SPARCL1: variants seen among roughly 807,000 people sequenced by gnomAD.
The protein encoded by SPARCL1 is SPARC like 1, also known as SPARC-like protein 1.
SPARCL1 carries 52 observed loss-of-function variants against 67.1 expected under a neutral mutation model. The ratio of observed to expected loss-of-function variants is 0.78; its 90% CI spans 0.62 to 0.98. SPARCL1 has a LOEUF of 0.98. Ranked by LOEUF, SPARCL1 falls within the 50% of genes least tolerant of loss-of-function variation. SPARCL1 has a pLI of 0.00. For synonymous variants in SPARCL1, 226 were observed against 267.8 expected (o/e 0.84, Z 1.52); for missense variants, 717 against 782.4 (o/e 0.92, Z 1.00).
chr4:87,480,505 G>T lies in SPARCL1; in HGVS notation c.1684C>A (p.Leu562Met). The change falls in exon 9 of 11, where the codon CTG (leucine) becomes ATG (methionine). Residue 562 changes from leucine to methionine, a missense_variant. Transcript: ENST00000282470. ...CCAGCCAAAAGCCTCTTTTCATCCA[G>T]GTAAATTTTCTTGACCTGGGATTAG... The part of the protein sequence containing the change: ...KQRNKVKKIY[L>M]DEKRLLAGDH... The T allele has an allele frequency of 6.2e-7, 1 of 1,608,514 alleles. No homozygotes were observed. The highest frequency in any genetic ancestry group is 8.5e-7 in the Non-Finnish European group (1 of 1,178,368).
chr4:87,504,235 C>A (rs1198597577), intron 1 of SPARCL1, among the ~76,000 whole-genome samples: 1 of 146,070 alleles, frequency 6.8e-6, no homozygotes, highest in East Asian at 2.1e-4. Context: ...AAACTTAAAT[C>A]ATTTATAACC....
intron 1 of SPARCL1, among the ~76,000 whole-genome samples, chr4:87,519,386 A>G (rs942265732): frequency 6.6e-6 from 1 of 151,992 alleles, no homozygotes; most frequent in African/African-American, 2.4e-5. Flanking sequence ...TCCCTATCAT[A>G]TTATATAGGC....
intron 7 of SPARCL1, among the ~76,000 whole-genome samples, chr4:87,485,076 G>T (rs961610973): frequency 6.6e-6 from 1 of 151,820 alleles, no homozygotes; most frequent in Non-Finnish European, 1.5e-5. Flanking sequence ...TTGCCTGACT[G>T]CCCTGGCCAG....
intron 1 of SPARCL1, among the ~76,000 whole-genome samples, chr4:87,509,049 G>A (rs987331097): frequency 2.7e-5 from 4 of 147,302 alleles, no homozygotes; most frequent in Non-Finnish European, 6.0e-5. Flanking sequence ...TTATATACAC[G>A]TATCTATATA....
At chr4:87,474,882 A>G (rs935593877) in intron 10 of SPARCL1, among the ~76,000 whole-genome samples, 2 of 151,848 alleles carry the variant, frequency 1.3e-5, no homozygotes, top group African/African-American at 4.8e-5. Flanking sequence ...GGCTGGGACT[A>G]CAGGCGCCCG....
In SPARCL1 at chr4:87,514,618, C is replaced by T. The variant is rs17012729; in HGVS notation, c.-12+14427G>A. On this transcript the variant is annotated intron_variant, in intron 1 of 10. Transcript: ENST00000282470. ...ACAATCCAGTATCTAGACTTTAAAA[C>T]GCCTTGTGTTCTTCCATTGTGTTCC... 0.025 allele frequency among the ~76,000 whole-genome samples: 3,794 copies of T among 152,254 alleles called. 383 individuals are homozygous for T. In the East Asian group the frequency reaches 0.33, roughly 13 times the overall value.
chr4:87,484,328 A>G (rs1305951786), intron 7 of SPARCL1, among the ~76,000 whole-genome samples: 3 of 150,834 alleles, frequency 2.0e-5, no homozygotes, highest in Non-Finnish European at 4.4e-5. Context: ...AGCACCATTT[A>G]TTAAATAAGG....
intron 10 of SPARCL1, among the ~76,000 whole-genome samples, chr4:87,474,838 G>A (rs1208434717): frequency 1.3e-5 from 2 of 148,740 alleles, no homozygotes; most frequent in Admixed American, 1.4e-4. Context: ...CGCCTCCCGG[G>A]TTCACGCCAT....
intron 6 of SPARCL1, 73 bp downstream of exon 6, chr4:87,490,687 T>C: frequency 9.2e-7 from 1 of 1,087,610 alleles, no homozygotes; most frequent in Non-Finnish European, 1.3e-6. Flanking sequence ...AGCAAAAATT[T>C]CAATGGCAAA....
intron 10 of SPARCL1, among the ~76,000 whole-genome samples, chr4:87,477,557 C>T (rs755335941): frequency 1.3e-5 from 2 of 152,150 alleles, no homozygotes; most frequent in African/African-American, 4.8e-5. Flanking sequence ...GGCTTTTTCT[C>T]TCTTTCTGCC....
chr4:87,489,317 C>T (rs1724209578), intron 7 of SPARCL1, among the ~76,000 whole-genome samples: 1 of 152,170 alleles, frequency 6.6e-6, no homozygotes, highest in Non-Finnish European at 1.5e-5. Flanking sequence ...AGCACAGTCC[C>T]TCACAGCTTC....
chr4:87,479,702 G>A, intron 9 of SPARCL1, 124 bp from the exon 10 acceptor site: 2 of 824,184 alleles, frequency 2.4e-6, no homozygotes, highest in Non-Finnish European at 3.8e-6. Context: ...ATAGAATACA[G>A]ATAAAAACTG....
intron 2 of SPARCL1, among the ~76,000 whole-genome samples, chr4:87,495,662 G>A (rs768293358): frequency 6.6e-5 from 10 of 152,118 alleles, no homozygotes; most frequent in Non-Finnish European, 1.3e-4. Flanking sequence ...GGTGGCTCAC[G>A]CCTGTAATCC....
Position 87,494,279 on chromosome 4 carries a change from T to A in SPARCL1, c.521A>T (p.Gln174Leu), listed in dbSNP as rs199870792. ...QEQPRNYSHH[Q>L]LNRSSKHSQG... Reference sequence around the variant, plus strand: ...GCTATGTTTACTGCTCCTGTTCAACTGATGATGTGAATAATTTCTAGGTTG... The same window carrying A: ...GCTATGTTTACTGCTCCTGTTCAACAGATGATGTGAATAATTTCTAGGTTG... The change falls in exon 4 of 11, where the codon CAG (glutamine) becomes CTG (leucine). Residue 174 changes from glutamine (Q) to leucine (L), a missense_variant. Physicochemically the swap from Gln to Leu is moderately radical, Grantham distance 113. Coordinates refer to ENST00000282470, the MANE Select transcript of SPARCL1 (RefSeq NM_004684.6). 8.7e-6 allele frequency: 14 copies of A among 1,613,994 alleles called. No homozygotes were observed. In the African/African-American group the frequency reaches 1.2e-4, roughly 14 times the overall value.
rs867186485 is a variant in SPARCL1, at chr4:87,494,427, C to T, written c.373G>A (p.Asp125Asn). ...PTEGTLDIKE[D>N]MSEPQEKKLS... The stretch of plus-strand genomic sequence containing the variant: ...TTTTTCTCCTGAGGCTCACTCATAT[C>T]TTCTTTTATGTCCAATGTACCTTCA... The change falls in exon 4 of 11, where the codon GAT becomes AAT. Residue 125 changes from aspartate (D) to asparagine (N), a missense_variant. Physicochemically the swap from Asp to Asn is conservative, Grantham distance 23. Coordinates refer to ENST00000282470, the MANE Select transcript of SPARCL1 (RefSeq NM_004684.6). The T allele has an allele frequency of 6.2e-7, 1 of 1,614,134 alleles. No homozygotes were observed. The highest frequency in any genetic ancestry group is 1.1e-5 in the South Asian group (1 of 91,076).
At chr4:87,481,260 G>T (rs963102906) in intron 8 of SPARCL1, among the ~76,000 whole-genome samples, 2 of 152,102 alleles carry the variant, frequency 1.3e-5, no homozygotes, top group Non-Finnish European at 2.9e-5. Context: ...ATGTATCGAA[G>T]AACGCCCTCT....
At chr4:87,499,896 A>T (rs530116752) in intron 1 of SPARCL1, among the ~76,000 whole-genome samples, 2 of 67,798 alleles carry the variant, frequency 2.9e-5, no homozygotes, top group Admixed American at 1.7e-4. Flanking sequence ...ATTCATAATG[A>T]AAAAAAAAAG....
intron 1 of SPARCL1, among the ~76,000 whole-genome samples, chr4:87,525,293 T>A (rs1222840624): frequency 6.6e-6 from 1 of 152,210 alleles, no homozygotes; most frequent in African/African-American, 2.4e-5. Context: ...ATGCCTTACA[T>A]GCTCAATCTC....
At chr4:87,510,512 G>T (rs779558108) in intron 1 of SPARCL1, among the ~76,000 whole-genome samples, 1 of 152,192 alleles carries the variant, frequency 6.6e-6, no homozygotes, top group Non-Finnish European at 1.5e-5. Context: ...GCAGAGGGAA[G>T]AAGCAGCCTG....
Sources: gnomAD v4.1 joint callset for allele counts (sites outside exome capture counted in the v4.1 genomes callset) on GRCh38, gnomAD v4.1.1 for gene constraint, MANE v1.5 for transcripts, NCBI Gene and HGNC (gene_info 2026-07-23, HGNC 2026-07-21) for gene names.